ATP8B4: variants seen among roughly 807,000 people sequenced by gnomAD.
The protein encoded by ATP8B4 is ATPase phospholipid transporting 8B4 (putative).
A neutral mutation model predicts 145.6 loss-of-function variants in ATP8B4; 133 were observed. The ratio of observed to expected loss-of-function variants is 0.91; its 90% CI spans 0.79 to 1.05. ATP8B4 has a LOEUF of 1.05. Ranked by LOEUF, ATP8B4 falls within the 50% of genes least tolerant of loss-of-function variation. The probability of loss-of-function intolerance (pLI) is 0.00; values close to 1 mark genes in which losing one functional copy is unlikely to be tolerated. For synonymous variants in ATP8B4, 507 were observed against 492.9 expected, an observed-to-expected ratio of 1.03 and a Z score of -0.38; for missense variants, 1,458 against 1,425.2, an observed-to-expected ratio of 1.02 and a Z score of -0.37.
intron 1 of ATP8B4, among the ~76,000 whole-genome samples, chr15:50,115,458 C>A (rs1188390487): frequency 6.6e-6 from 1 of 151,790 alleles, no homozygotes; most frequent in Non-Finnish European, 1.5e-5. Context: ...GCAGAGTCAG[C>A]GAAGACCTCA....
intron 25 of ATP8B4, among the ~76,000 whole-genome samples, chr15:49,870,578 A>G (rs1227898739): frequency 6.6e-6 from 1 of 152,240 alleles, no homozygotes; most frequent in East Asian, 1.9e-4. Context: ...ACCACAATGA[A>G]AAGTCAAGCT....
intron 23 of ATP8B4, among the ~76,000 whole-genome samples, chr15:49,891,999 C>T (rs2036869327): frequency 6.6e-6 from 1 of 151,860 alleles, no homozygotes; most frequent in South Asian, 2.1e-4. Flanking sequence ...GCCTGTAGTC[C>T]CAGGTACTTG....
At chr15:50,108,077 CG>C (rs1022979863) in intron 1 of ATP8B4, among the ~76,000 whole-genome samples, 5 of 151,990 alleles carry the variant, frequency 3.3e-5, no homozygotes, top group African/African-American at 1.2e-4. Context: ...GTGTCGCTGC[CG>C]GGTGTTGCTA....
At chr15:50,029,623 A>G (rs1355423845) in intron 6 of ATP8B4, among the ~76,000 whole-genome samples, 2 of 152,200 alleles carry the variant, frequency 1.3e-5, no homozygotes, top group Admixed American at 1.3e-4. Context: ...ATTCTGTTGC[A>G]AATATCTTTG....
intron 6 of ATP8B4, among the ~76,000 whole-genome samples, chr15:50,030,185 T>C (rs1010785305): frequency 6.7e-6 from 1 of 148,846 alleles, no homozygotes; most frequent in Non-Finnish European, 1.5e-5. Flanking sequence ...GAGGTTTGAG[T>C]TTTTTTTTTC....
At chr15:49,956,539 A>G (rs1375027463) in intron 14 of ATP8B4, among the ~76,000 whole-genome samples, 8 of 152,182 alleles carry the variant, frequency 5.3e-5, no homozygotes, top group Non-Finnish European at 8.8e-5. Context: ...AAGTTAACAA[A>G]TAGTTCTCAA....
intron 1 of ATP8B4, among the ~76,000 whole-genome samples, chr15:50,127,063 C>T (rs2057312476): frequency 6.6e-6 from 1 of 152,194 alleles, no homozygotes; most frequent in Non-Finnish European, 1.5e-5. Context: ...CTTAACCAAT[C>T]GCAGATCGGG....
intron 14 of ATP8B4, among the ~76,000 whole-genome samples, chr15:49,954,181 C>T (rs558594505): frequency 6.6e-6 from 1 of 152,284 alleles, no homozygotes; most frequent in East Asian, 1.9e-4. Context: ...CTTTCTTGCT[C>T]CTCAGCTTGC....
Position 50,002,142 on chromosome 15 carries a change from T to C in ATP8B4, c.506+11A>G. The C allele has an allele frequency of 1.9e-6, 3 of 1,591,788 alleles. No individual in the cohort carries two copies. Among genetic ancestry groups the C allele is most frequent in the Non-Finnish European group, 2.6e-6 (3 of 1,162,698 alleles). ...AAAACCAACCAAATTATTCTAATTTTAATAACTTACCCATCAAGCTCAGCA... is the reference window on the plus strand; with the variant it reads ...AAAACCAACCAAATTATTCTAATTTCAATAACTTACCCATCAAGCTCAGCA... On this transcript the variant is annotated intron_variant, in intron 8 of 27. Transcript: ENST00000284509.
At chr15:50,104,496 A>T (rs573208676) in intron 2 of ATP8B4, among the ~76,000 whole-genome samples, 35 of 152,292 alleles carry the variant, frequency 2.3e-4, no homozygotes, top group African/African-American at 8.4e-4. Flanking sequence ...AACATCACTA[A>T]TTATCAGGGA....
intron 13 of ATP8B4, among the ~76,000 whole-genome samples, chr15:49,967,408 A>G (rs1178723329): frequency 6.6e-6 from 1 of 152,216 alleles, no homozygotes; most frequent in Non-Finnish European, 1.5e-5. Context: ...TAGAATAACC[A>G]GTTGGGAGAA....
rs1193673919 is a variant in ATP8B4, at chr15:50,086,455, G to C, written c.29-12270C>G. On this transcript the variant is annotated intron_variant, in intron 2 of 27. Transcript: ENST00000284509. ...TAATTATATATAATAAAATAATAGA[G>C]ATCTATATTATTATATATAATAAAA... 6.6e-5 allele frequency among the ~76,000 whole-genome samples: 3 copies of C among 45,234 alleles called. 1 individual carries two copies. Among genetic ancestry groups the C allele is most frequent in the African/African-American group, 4.3e-4 (3 of 6,908 alleles). The allele number at this position is 45,234 out of a possible 152,430, so 29.7% of individuals were successfully genotyped here. A position where few individuals can be genotyped will look rare whatever the true frequency, so the allele number is the denominator to read the frequency against.
At chr15:49,923,200 G>C (rs376061075) in intron 17 of ATP8B4, among the ~76,000 whole-genome samples, 179 bp downstream of exon 17, 5 of 152,174 alleles carry the variant, frequency 3.3e-5, no homozygotes, top group African/African-American at 1.2e-4. Flanking sequence ...GGGCAGAAAG[G>C]GGGGTGGTCC....
intron 8 of ATP8B4, 49 bp from the exon 9 acceptor site, chr15:49,996,808 A>G (rs888727523): frequency 2.0e-6 from 3 of 1,466,388 alleles, no homozygotes; most frequent in Non-Finnish European, 2.8e-6. Flanking sequence ...ACAGCCCAAC[A>G]GCATCCTACC....
At chr15:50,175,783 A>G (rs1415334097) in intron 1 of ATP8B4, among the ~76,000 whole-genome samples, 1 of 152,238 alleles carries the variant, frequency 6.6e-6, no homozygotes, top group Non-Finnish European at 1.5e-5. Context: ...TATGGAAAAC[A>G]GTGTGGCGAT....
At chr15:49,905,959 T>TAC (rs111266326) in intron 20 of ATP8B4, among the ~76,000 whole-genome samples, 9,991 of 151,050 alleles carry the variant, frequency 0.066, 1,094 homozygotes, top group African/African-American at 0.23. Context: ...TACATATATA[T>TAC]ACACACACAC....
At chr15:50,084,510 G>A (rs1175844087) in intron 2 of ATP8B4, among the ~76,000 whole-genome samples, 2 of 152,046 alleles carry the variant, frequency 1.3e-5, no homozygotes, top group Non-Finnish European at 2.9e-5. Context: ...CTGCCCCTTC[G>A]CCCTACCATC....
At chr15:50,019,084 C>T (rs2049325836) in intron 6 of ATP8B4, 2 of 547,826 alleles carry the variant, frequency 3.7e-6, no homozygotes, top group Admixed American at 2.4e-5. Flanking sequence ...AGACTCTGTC[C>T]CTGTCCTTTG....
At chr15:50,139,731 T>C (rs1462861205) in intron 1 of ATP8B4, among the ~76,000 whole-genome samples, 1 of 152,208 alleles carries the variant, frequency 6.6e-6, no homozygotes, top group African/African-American at 2.4e-5. Context: ...AAACTTCAAA[T>C]TTTATTTTCA....
Sources: allele counts gnomAD v4.1 joint callset (sites outside exome capture counted in the v4.1 genomes callset), GRCh38; gene constraint gnomAD v4.1.1; transcripts MANE v1.5; gene names NCBI Gene and HGNC (gene_info 2026-07-23, HGNC 2026-07-21).